Variants in SCN1A observed in about 807,000 individuals in gnomAD.
SCN1A encodes sodium channel protein type 1 subunit alpha.
SCN1A carries 13 observed loss-of-function variants against 193.7 expected under a neutral mutation model. The observed-to-expected ratio is 0.07, with a 90% CI of 0.04 to 0.11. The LOEUF (loss-of-function observed/expected upper bound fraction) is 0.11, where lower values mean the gene tolerates loss of function less well. Among genes scored for constraint, SCN1A ranks in the 10% least tolerant of loss-of-function variants. The pLI is 1.00. For synonymous variants in SCN1A, 781 were observed against 843.6 expected, an observed-to-expected ratio of 0.93 and a Z score of 1.29; for missense variants, 1,432 against 2,451.1, an observed-to-expected ratio of 0.58 and a Z score of 8.78.
chr2:166,085,150 G>A (rs1026459435), intron 2 of SCN1A, among the ~76,000 whole-genome samples: 1 of 152,232 alleles, frequency 6.6e-6, no homozygotes, highest in South Asian at 2.1e-4. Flanking sequence ...ATCCCTATTG[G>A]ACTCAATGGT....
chr2:166,131,608 G>A (rs931349147), upstream of SCN1A, among the ~76,000 whole-genome samples: 4 of 152,162 alleles, frequency 2.6e-5, no homozygotes, highest in African/African-American at 4.8e-5. Flanking sequence ...AGAGTCTCTC[G>A]ATGCCATTAG....
intron 2 of SCN1A, among the ~76,000 whole-genome samples, chr2:166,116,027 T>C (rs998594506): frequency 6.6e-6 from 1 of 152,160 alleles, no homozygotes; most frequent in Non-Finnish European, 1.5e-5. Context: ...TTCACAGAAA[T>C]GCAATTAGTT....
At chr2:166,038,713 G>A (rs556879089) in intron 17 of SCN1A, among the ~76,000 whole-genome samples, 7 of 152,100 alleles carry the variant, frequency 4.6e-5, no homozygotes, top group Non-Finnish European at 8.8e-5. Flanking sequence ...TTCTAAGGCC[G>A]GATATTATAA....
chr2:166,044,130 G>A (rs1054763979), intron 13 of SCN1A, 81 bp from the exon 14 acceptor site: 1 of 1,487,900 alleles, frequency 6.7e-7, no homozygotes, highest in Non-Finnish European at 9.2e-7. Flanking sequence ...AGATTATGTA[G>A]AAGGAGATTT....
intron 6 of SCN1A, among the ~76,000 whole-genome samples, chr2:166,055,762 A>C (rs1304761623): frequency 6.6e-6 from 1 of 151,970 alleles, no homozygotes; most frequent in Non-Finnish European, 1.5e-5. Context: ...AGTTATCACA[A>C]ATCTGGCCTC....
At chr2:166,024,784 C>T (rs561798031) in intron 19 of SCN1A, among the ~76,000 whole-genome samples, 2 of 152,208 alleles carry the variant, frequency 1.3e-5, no homozygotes, top group African/African-American at 4.8e-5. Flanking sequence ...CTCAGCCTCC[C>T]AAGTAACTGG....
intron 19 of SCN1A, among the ~76,000 whole-genome samples, chr2:166,030,740 C>T (rs1459256869): frequency 6.6e-6 from 1 of 151,806 alleles, no homozygotes; most frequent in Non-Finnish European, 1.5e-5. Flanking sequence ...GGCTTATAAG[C>T]TCTTAATCTA....
intron 4 of SCN1A, among the ~76,000 whole-genome samples, chr2:166,072,715 A>G (rs1684552666): frequency 6.6e-6 from 1 of 151,948 alleles, no homozygotes; most frequent in African/African-American, 2.4e-5. Context: ...AAGTACAGAA[A>G]GTACAAAAAA....
intron 19 of SCN1A, among the ~76,000 whole-genome samples, chr2:166,031,413 C>T (rs765893719): frequency 1.3e-4 from 20 of 152,240 alleles, no homozygotes; most frequent in Admixed American, 1.0e-3. Flanking sequence ...CAAATACATC[C>T]TCTTGCTTCC....
At chr2:166,133,152 A>C (rs1691725511) in intron 1 of SCN1A, among the ~76,000 whole-genome samples, 1 of 152,206 alleles carries the variant, frequency 6.6e-6, no homozygotes, top group South Asian at 2.1e-4. Flanking sequence ...TGCAGTAATT[A>C]AAAGCAAAAG....
chr2:166,003,878 G>GAA lies in SCN1A; in HGVS notation c.4003-1127_4003-1126dup, dbSNP rs11377219. Reference sequence around the variant, plus strand: ...AACAATTTTTTTTAACTGCCTGTCTGAAAAAAAAATACATGAGCCAATTTC... The same window carrying GAA: ...AACAATTTTTTTTAACTGCCTGTCTGAAAAAAAAAAATACATGAGCCAATTTC... On this transcript the variant is annotated intron_variant, in intron 23 of 28. Coordinates refer to ENST00000674923, the MANE Select transcript of SCN1A (RefSeq NM_001165963.4). Among the ~76,000 whole-genome samples, 394 of 150,392 alleles carry GAA rather than the reference G, an allele frequency of 2.6e-3. 3 individuals are homozygous for GAA. The highest frequency in any genetic ancestry group is 8.7e-3 in the African/African-American group (356 of 41,116).
chr2:166,080,006 A>G (rs1685341990), intron 2 of SCN1A, among the ~76,000 whole-genome samples: 1 of 151,654 alleles, frequency 6.6e-6, no homozygotes, highest in East Asian at 1.9e-4. Flanking sequence ...GAAATACCTA[A>G]AAAACTGTCA....
intron 19 of SCN1A, among the ~76,000 whole-genome samples, chr2:166,024,280 T>C (rs971375539): frequency 6.6e-6 from 1 of 152,100 alleles, no homozygotes; most frequent in Non-Finnish European, 1.5e-5. Context: ...TGTGATCATC[T>C]CTGACCAAGG....
At chr2:166,102,970 G>A (rs1043517276) in intron 2 of SCN1A, among the ~76,000 whole-genome samples, 4 of 152,058 alleles carry the variant, frequency 2.6e-5, no homozygotes, top group African/African-American at 7.3e-5. Context: ...TGTGGATAAT[G>A]CACAACTTTT....
chr2:165,998,285 AT>A (rs35180275), intron 25 of SCN1A, 110 bp from the exon 26 acceptor site: 39,417 of 668,706 alleles, frequency 0.059, 3 homozygotes, highest in South Asian at 0.076. Context: ...ATATGTCAGC[AT>A]TTTTTTTTTT....
chr2:166,135,815 C>A (rs1691834219), intron 1 of SCN1A, among the ~76,000 whole-genome samples: 1 of 152,124 alleles, frequency 6.6e-6, no homozygotes, highest in Admixed American at 6.5e-5. Flanking sequence ...ATTTTGGGGC[C>A]CATGAGCTCA....
In SCN1A at chr2:165,992,456, A is replaced by G; in HGVS notation, c.4853-34T>C. 1 of 1,611,298 alleles carries G rather than the reference A, an allele frequency of 6.2e-7. No homozygotes were observed. Among genetic ancestry groups the G allele is most frequent in the Admixed American group, 1.7e-5 (1 of 59,888 alleles). ...AAACAATGAGAATACCAACCAGTGAAGAAATCATGCGTTAAAATAAACATA... is the reference window on the plus strand; with the variant it reads ...AAACAATGAGAATACCAACCAGTGAGGAAATCATGCGTTAAAATAAACATA... On this transcript the variant is annotated intron_variant, in intron 28 of 28. Transcript: ENST00000674923. This position sits in a 1 kb window ranked among gnomAD's most constrained non-coding sequence, Gnocchi z 6.5.
At chr2:166,089,090 A>G (rs1301573848) in intron 2 of SCN1A, among the ~76,000 whole-genome samples, 2 of 152,188 alleles carry the variant, frequency 1.3e-5, no homozygotes, top group African/African-American at 4.8e-5. Flanking sequence ...ACATAGGTAT[A>G]CACGTGCCTT....
In SCN1A at chr2:166,036,431, C is replaced by T. The variant is rs370857858; in HGVS notation, c.3046G>A (p.Val1016Met). The T allele has an allele frequency of 2.5e-6, 4 of 1,606,894 alleles. No individual in the cohort carries two copies. In the South Asian group the frequency reaches 4.5e-5, roughly 18 times the overall value. ...DNEMNNLQIA[V>M]DRMHKGVAYV... is the part of the protein sequence containing the mutation. ...GCTACTCCTTTGTGCATCCTATCCA[C>T]AGCAATTTGGAGATTATTCATTTCA... The change falls in exon 19 of 29, where the codon GTG becomes ATG. Residue 1016 changes from valine to methionine, a missense_variant. Physicochemically the swap from Val to Met is conservative, Grantham distance 21. Around this residue, in one of 18 missense-constraint regions of SCN1A, gnomAD observed 198 missense variants for 225.8 expected, o/e 0.88. Coordinates refer to ENST00000674923, the MANE Select transcript of SCN1A (RefSeq NM_001165963.4).
Sources: allele counts gnomAD v4.1 joint callset (sites outside exome capture counted in the v4.1 genomes callset), GRCh38; gene constraint gnomAD v4.1.1; regional missense constraint gnomAD v4.1.1; non-coding constraint Gnocchi (gnomAD v3.1); transcripts MANE v1.5; gene names NCBI Gene and HGNC (gene_info 2026-07-23, HGNC 2026-07-21).